The following ST6GAL1 variants were observed in gnomAD, a reference collection of about 807,000 sequenced individuals.
The protein encoded by ST6GAL1 is ST6 beta-galactoside alpha-2,6-sialyltransferase 1, also known as beta-galactoside alpha-2,6-sialyltransferase 1.
Under a neutral mutation model 38.0 loss-of-function variants are expected in ST6GAL1, and 20 were observed. The ratio of observed to expected loss-of-function variants is 0.53; its 90% CI spans 0.37 to 0.77. The LOEUF (loss-of-function observed/expected upper bound fraction) is 0.77. Among genes scored for constraint, ST6GAL1 ranks in the 30% least tolerant of loss-of-function variants. The pLI, the probability that ST6GAL1 is intolerant of heterozygous loss-of-function variation, is 0.00. For synonymous variants in ST6GAL1, 196 were observed against 188.2 expected (o/e 1.04, Z -0.34); for missense variants, 432 against 496.4 (o/e 0.87, Z 1.23).
At chr3:187,067,098 TTTTTTTTTTG>T (rs1341357320) in intron 5 of ST6GAL1, among the ~76,000 whole-genome samples, 2,456 of 104,252 alleles carry the variant, frequency 0.024, 89 homozygotes, top group African/African-American at 0.098. Context: ...TTTTTTTTTT[TTTTTTTTTTG>T]GAGACAGAGT....
chr3:186,940,259 G>T (rs73069417), intron 1 of ST6GAL1, among the ~76,000 whole-genome samples: 1 of 151,588 alleles, frequency 6.6e-6, no homozygotes, highest in Non-Finnish European at 1.5e-5. Flanking sequence ...AGACTGGGAG[G>T]CTTCTTCACA....
intron 2 of ST6GAL1, among the ~76,000 whole-genome samples, chr3:187,003,657 A>G (rs1716693111): frequency 6.6e-6 from 1 of 152,186 alleles, no homozygotes; most frequent in South Asian, 2.1e-4. Flanking sequence ...AGTATATAAG[A>G]TATATTTTCC....
chr3:187,073,990 C>T, intron 6 of ST6GAL1, 169 bp from the exon 7 acceptor site: 1 of 566,532 alleles, frequency 1.8e-6, no homozygotes, highest in Non-Finnish European at 2.9e-6. Flanking sequence ...CCAGTGAAAC[C>T]TGCGGCTGGA....
intron 2 of ST6GAL1, among the ~76,000 whole-genome samples, chr3:186,993,570 T>A (rs1439190366): frequency 1.5e-5 from 1 of 67,666 alleles, no homozygotes; most frequent in Non-Finnish European, 3.4e-5. Flanking sequence ...ATTTATTTAT[T>A]TATTTATTTA....
At chr3:187,054,212 G>T (rs1459541736) in intron 5 of ST6GAL1, among the ~76,000 whole-genome samples, 1 of 152,136 alleles carries the variant, frequency 6.6e-6, no homozygotes, top group African/African-American at 2.4e-5. Context: ...GAGATGATGG[G>T]TTTTTCTAAA....
At chr3:186,934,649 A>G (rs956576088) in intron 1 of ST6GAL1, among the ~76,000 whole-genome samples, 3 of 152,150 alleles carry the variant, frequency 2.0e-5, no homozygotes, top group African/African-American at 7.2e-5. Context: ...AGGCGTATGA[A>G]TCTCCTGGGG....
intron 5 of ST6GAL1, among the ~76,000 whole-genome samples, chr3:187,061,060 C>A (rs1423605705): frequency 1.3e-5 from 2 of 152,058 alleles, no homozygotes; most frequent in African/African-American, 4.8e-5. Flanking sequence ...TTCATTTTTT[C>A]TATTATGTGC....
chr3:186,971,701 T>A (rs1715355372), intron 2 of ST6GAL1, among the ~76,000 whole-genome samples: 1 of 152,218 alleles, frequency 6.6e-6, no homozygotes, highest in African/African-American at 2.4e-5. Flanking sequence ...TATAGAGCTG[T>A]GTATTTTTCC....
intron 3 of ST6GAL1, among the ~76,000 whole-genome samples, chr3:187,040,476 G>T (rs1192336440): frequency 6.6e-6 from 1 of 152,174 alleles, no homozygotes; most frequent in East Asian, 1.9e-4. Context: ...TGGAATTCTG[G>T]TTCTAGAACT....
intron 1 of ST6GAL1, among the ~76,000 whole-genome samples, chr3:186,950,831 A>AT (rs1714550027): frequency 1.3e-5 from 2 of 152,256 alleles, no homozygotes; most frequent in Non-Finnish European, 2.9e-5. Flanking sequence ...TTTGGATGAG[A>AT]TAAAAACAGG....
intron 2 of ST6GAL1, among the ~76,000 whole-genome samples, chr3:187,035,492 G>A (rs1238499259): frequency 6.6e-6 from 1 of 152,150 alleles, no homozygotes; most frequent in Non-Finnish European, 1.5e-5. Context: ...TCCAGTACCT[G>A]ACTTAGAACT....
Position 187,072,866 on chromosome 3 carries a change from G to A in ST6GAL1, c.723G>A (p.Lys241=). Residue 241 remains lysine (K), a synonymous_variant, in exon 6 of 8, where the codon AAG becomes AAA. Transcript: ENST00000169298. The part of the protein sequence containing the change: ...LMNSQLVTTE[K]RFLKDSLYNE... ...TCCTGCAGTTGGTTACCACAGAGAAGCGCTTCCTCAAAGACAGTTTGTACA... is the reference window on the plus strand; with the variant it reads ...TCCTGCAGTTGGTTACCACAGAGAAACGCTTCCTCAAAGACAGTTTGTACA... The A allele has an allele frequency of 1.2e-6, 2 of 1,613,984 alleles. No homozygotes were observed. The highest frequency in any genetic ancestry group is 1.7e-6 in the Non-Finnish European group (2 of 1,179,882).
At chr3:186,996,117 A>G (rs546372039) in intron 2 of ST6GAL1, among the ~76,000 whole-genome samples, 2 of 152,336 alleles carry the variant, frequency 1.3e-5, no homozygotes, top group East Asian at 3.9e-4. Flanking sequence ...TAAATATTTG[A>G]ATACAGAGTC....
intron 1 of ST6GAL1, among the ~76,000 whole-genome samples, chr3:186,951,874 G>A (rs771444765): frequency 2.6e-5 from 4 of 152,134 alleles, no homozygotes; most frequent in Admixed American, 6.5e-5. Flanking sequence ...CAGCAGATTC[G>A]GCGTCTGGTG....
chr3:186,988,826 A>G (rs1248728503), intron 2 of ST6GAL1, among the ~76,000 whole-genome samples: 1 of 151,916 alleles, frequency 6.6e-6, no homozygotes, highest in African/African-American at 2.4e-5. Flanking sequence ...AGGTGGAAGG[A>G]TGGCTTGAGT....
intron 3 of ST6GAL1, among the ~76,000 whole-genome samples, chr3:187,039,832 G>A (rs1718067507): frequency 6.6e-6 from 1 of 152,208 alleles, no homozygotes; most frequent in Admixed American, 6.5e-5. Context: ...CTCAACCAAG[G>A]GTGGTGTCAA....
rs1199677566 is a variant in ST6GAL1 at position 187,072,870 on chromosome 3, T to A, written c.727T>A (p.Phe243Ile). The change falls in exon 6 of 8, where the codon TTC (phenylalanine) becomes ATC (isoleucine). Residue 243 changes from phenylalanine to isoleucine, a missense_variant. Phe to Ile is a conservative substitution (Grantham distance 21). Coordinates refer to ENST00000169298, the MANE Select transcript of ST6GAL1 (RefSeq NM_173216.2). ...NSQLVTTEKR[F>I]LKDSLYNEGI... is the part of the protein sequence containing the mutation. ...GCAGTTGGTTACCACAGAGAAGCGC[T>A]TCCTCAAAGACAGTTTGTACAATGA... 3 of 1,613,822 alleles carry A rather than the reference T, an allele frequency of 1.9e-6. No individual in the cohort carries two copies. Among genetic ancestry groups the A allele is most frequent in the African/African-American group, 2.7e-5 (2 of 74,918 alleles).
At chr3:187,074,359 T>C in intron 7 of ST6GAL1, 26 bp downstream of exon 7, 1 of 1,521,188 alleles carries the variant, frequency 6.6e-7, no homozygotes. Flanking sequence ...GGAAAAGACC[T>C]TGCATGTTTG....
rs532858990 is a variant in ST6GAL1 at position 187,076,744 on chromosome 3, T to G, written c.*941T>G. Reference sequence around the variant, plus strand: ...TGTTTTTCTTTCTTCCCATGTTTATTTTCTAAGATCTACCTGAACTTAGAG... The same window carrying G: ...TGTTTTTCTTTCTTCCCATGTTTATGTTCTAAGATCTACCTGAACTTAGAG... On this transcript the variant is annotated 3_prime_UTR_variant, in exon 8 of 8. Coordinates refer to ENST00000169298, the MANE Select transcript of ST6GAL1 (RefSeq NM_173216.2). The G allele has an allele frequency of 2.5e-6, 1 of 398,616 alleles. No homozygotes were observed. Among genetic ancestry groups the G allele is most frequent in the Non-Finnish European group, 4.4e-6 (1 of 226,072 alleles). 24.7% of individuals were successfully genotyped at this position (398,616 alleles called of 1,614,324 possible). A position where few individuals can be genotyped will look rare whatever the true frequency, so the allele number is the denominator to read the frequency against.
Sources: gnomAD v4.1 joint callset for allele counts (sites outside exome capture counted in the v4.1 genomes callset) on GRCh38, gnomAD v4.1.1 for gene constraint, MANE v1.5 for transcripts, NCBI Gene and HGNC (gene_info 2026-07-23, HGNC 2026-07-21) for gene names.